Variants in CCDC171 observed in about 807,000 individuals in gnomAD.
CCDC171 encodes the protein coiled-coil domain-containing protein 171.
Under a neutral mutation model 168.2 loss-of-function variants are expected in CCDC171, and 177 were observed. The ratio of observed to expected loss-of-function variants is 1.05; its 90% CI spans 0.93 to 1.19. CCDC171 has a LOEUF of 1.19. CCDC171 is among the 50% of genes most tolerant of loss of function. The probability of loss-of-function intolerance (pLI) is 0.00; values close to 1 mark genes in which losing one functional copy is unlikely to be tolerated. For missense variants in CCDC171, 1,991 were observed against 1,539.0 expected, an observed-to-expected ratio of 1.29 and a Z score of -4.91; for synonymous variants, 687 against 540.8, an observed-to-expected ratio of 1.27 and a Z score of -3.75.
intron 3 of CCDC171, among the ~76,000 whole-genome samples, chr9:16,017,294 T>A (rs11999494): frequency 0.019 from 2,770 of 148,914 alleles, 81 homozygotes; most frequent in African/African-American, 0.063. Flanking sequence ...CATTATTTTT[T>A]TCAAACTGCA....
At chr9:15,566,635 T>C (rs371986371) in intron 2 of CCDC171, among the ~76,000 whole-genome samples, 30 of 152,338 alleles carry the variant, frequency 2.0e-4, no homozygotes, top group African/African-American at 7.0e-4. Flanking sequence ...ACTTTTTGTT[T>C]TCTTAATAGT....
At chr9:15,655,909 A>C (rs890465400) in intron 7 of CCDC171, among the ~76,000 whole-genome samples, 1 of 152,192 alleles carries the variant, frequency 6.6e-6, no homozygotes, top group African/African-American at 2.4e-5. Flanking sequence ...GAAACCAAAA[A>C]CAGAAAATGA....
rs530151188 is a variant in CCDC171 at position 15,783,160 on chromosome 9, T to G, written c.3082-1349T>G. Among the ~76,000 whole-genome samples, 403 of 152,322 alleles carry G rather than the reference T, an allele frequency of 2.6e-3. 2 individuals are homozygous for G. Among genetic ancestry groups the G allele is most frequent in the African/African-American group, 9.1e-3 (377 of 41,570 alleles). ...CTGGTGCCAAAATAAAACTGAGTGC[T>G]TATGTATTATGATATAGAAGGACCT... On this transcript the variant is annotated intron_variant, in intron 20 of 25. Coordinates refer to ENST00000380701, the MANE Select transcript of CCDC171 (RefSeq NM_173550.4).
At chr9:15,909,738 C>A (rs567794645) in intron 24 of CCDC171, among the ~76,000 whole-genome samples, 100 of 152,210 alleles carry the variant, frequency 6.6e-4, no homozygotes, top group African/African-American at 2.3e-3. Context: ...GCAACCATAT[C>A]AGAGTAACTT....
intron 6 of CCDC171, among the ~76,000 whole-genome samples, chr9:15,597,314 C>A (rs1360974430): frequency 6.6e-6 from 1 of 152,060 alleles, no homozygotes; most frequent in Non-Finnish European, 1.5e-5. Context: ...TTTTGAGATA[C>A]GTCCCATCAA....
chr9:15,702,817 C>T (rs1421471295), intron 11 of CCDC171, among the ~76,000 whole-genome samples: 2 of 152,144 alleles, frequency 1.3e-5, no homozygotes, highest in Non-Finnish European at 2.9e-5. Context: ...ACTTCATAAA[C>T]CAATCTCTCC....
At chr9:15,955,743 C>G (rs576940280) in intron 25 of CCDC171, among the ~76,000 whole-genome samples, 2 of 152,234 alleles carry the variant, frequency 1.3e-5, no homozygotes, top group African/African-American at 4.8e-5. Context: ...GCCATCTTTC[C>G]AGAATCCTCT....
rs545568182 is a variant in CCDC171, at chr9:15,601,279, C to T, written c.675+7107C>T. 2.4e-4 allele frequency among the ~76,000 whole-genome samples: 36 copies of T among 152,266 alleles called. 1 individual carries two copies. The South Asian group carries it at 7.0e-3, about 30-fold the overall frequency. On this transcript the variant is annotated intron_variant, in intron 6 of 25. Coordinates refer to ENST00000380701, the MANE Select transcript of CCDC171 (RefSeq NM_173550.4). ...TTCCTATTTGGCCATCTTGGCTCCA[C>T]AGCCACTTCATTTTTTTGAGAGTAA...
rs781713661 is a variant in CCDC171, at chr9:15,744,501, A to G, written c.2278A>G (p.Asn760Asp). ...TQRDFLQEQV[N>D]TFELFKLEIR... is the part of the protein sequence containing the mutation. ...GAGAGATTTTCTCCAGGAGCAGGTCAACACCTTTGAGTTGTTCAAACTGGA... is the reference window on the plus strand; with the variant it reads ...GAGAGATTTTCTCCAGGAGCAGGTCGACACCTTTGAGTTGTTCAAACTGGA... Residue 760 changes from asparagine to aspartate, a missense_variant, in exon 17 of 26, where the codon AAC becomes GAC. Asn to Asp is a conservative substitution (Grantham distance 23). Transcript: ENST00000380701. The G allele has an allele frequency of 3.1e-6, 5 of 1,614,102 alleles. No individual in the cohort carries two copies. The highest frequency in any genetic ancestry group is 1.3e-5 in the African/African-American group (1 of 74,948).
At chr9:15,566,598 A>G (rs954362842) in intron 2 of CCDC171, among the ~76,000 whole-genome samples, 2 of 152,200 alleles carry the variant, frequency 1.3e-5, no homozygotes, top group Non-Finnish European at 2.9e-5. Flanking sequence ...ATGATATGCA[A>G]ACATTTTTCT....
At chr9:15,763,522 A>G (rs1335376646) in intron 18 of CCDC171, among the ~76,000 whole-genome samples, 3 of 152,186 alleles carry the variant, frequency 2.0e-5, no homozygotes, top group African/African-American at 7.2e-5. Context: ...ATTACAAACT[A>G]TCAGGTGTGG....
downstream of CCDC171, among the ~76,000 whole-genome samples, chr9:16,063,841 C>A (rs1026635458): frequency 5.3e-5 from 8 of 152,194 alleles, no homozygotes; most frequent in African/African-American, 1.7e-4. Context: ...AAGTGACTCA[C>A]CCGAGGTCAC....
At position 15,891,354 on chromosome 9, in the gene CCDC171, T is replaced by TTTC. The variant is rs1050092514; in HGVS notation, c.3600+16693_3600+16695dup. ...AGCTCTCAACCCTGCAAGCTATTTA[T>TTTC]TTCTGTAGCTTTTCTTTTTGCACTA... is the stretch of plus-strand genomic sequence containing the variant. On this transcript the variant is annotated intron_variant, in intron 24 of 25. Coordinates refer to ENST00000380701, the MANE Select transcript of CCDC171 (RefSeq NM_173550.4). 8.4e-4 allele frequency among the ~76,000 whole-genome samples: 128 copies of TTTC among 152,274 alleles called. 1 individual carries two copies. The highest frequency in any genetic ancestry group is 2.4e-3 in the African/African-American group (98 of 41,570).
At chr9:15,720,719 T>C (rs1269956100) in intron 11 of CCDC171, among the ~76,000 whole-genome samples, 1 of 152,240 alleles carries the variant, frequency 6.6e-6, no homozygotes, top group Non-Finnish European at 1.5e-5. Flanking sequence ...CTTTAAGTTC[T>C]AGGGTACATG....
At chr9:15,977,706 C>T (rs1055481862), downstream of CCDC171, among the ~76,000 whole-genome samples, 34 of 152,008 alleles carry the variant, frequency 2.2e-4, no homozygotes, top group African/African-American at 8.0e-4. Flanking sequence ...AAATGTTGTG[C>T]GGCTATAGGA....
intron 9 of CCDC171, among the ~76,000 whole-genome samples, chr9:15,670,748 CTT>C (rs1564178976): frequency 6.6e-6 from 1 of 151,812 alleles, no homozygotes; most frequent in Non-Finnish European, 1.5e-5. Context: ...TTATTGTGTT[CTT>C]TGTTATTTAT....
intron 25 of CCDC171, among the ~76,000 whole-genome samples, chr9:15,964,938 T>A (rs1187329315): frequency 6.6e-6 from 1 of 152,074 alleles, no homozygotes; most frequent in Non-Finnish European, 1.5e-5. Flanking sequence ...TTTTTTGTAT[T>A]TTTAAGCAGA....
In CCDC171 at chr9:15,824,778, T is replaced by G. The variant is rs186412214; in HGVS notation, c.3268-21924T>G. Among the ~76,000 whole-genome samples the G allele has an allele frequency of 2.0e-5, 3 of 152,244 alleles. No individual in the cohort carries two copies. The East Asian group carries it at 5.8e-4, about 29-fold the overall frequency. On this transcript the variant is annotated intron_variant, in intron 21 of 25. Coordinates refer to ENST00000380701, the MANE Select transcript of CCDC171 (RefSeq NM_173550.4). ...CATCCCTAGATTTATCATAGTACTT[T>G]GATTAGAATGGTCTCTTCTGATTTA...
intron 3 of CCDC171, among the ~76,000 whole-genome samples, chr9:15,576,996 G>A (rs184321813): frequency 1.3e-5 from 2 of 152,270 alleles, no homozygotes; most frequent in East Asian, 3.9e-4. Flanking sequence ...TTTTGGTAAG[G>A]AATGTTCAGT....
Sources: allele counts gnomAD v4.1 joint callset (sites outside exome capture counted in the v4.1 genomes callset), GRCh38; gene constraint gnomAD v4.1.1; transcripts MANE v1.5; gene names NCBI Gene and HGNC (gene_info 2026-07-23, HGNC 2026-07-21).